Variants in ADGRG4 observed in about 807,000 individuals in gnomAD.
ADGRG4 encodes the protein G protein-coupled receptor 112.
ADGRG4 carries 122 observed loss-of-function variants against 126.2 expected under a neutral mutation model. The observed-to-expected ratio is 0.97, with a 90% CI of 0.83 to 1.12. ADGRG4 has a LOEUF of 1.12. Ranked by LOEUF, ADGRG4 falls within the 50% of genes most tolerant of loss-of-function variation. The pLI, the probability that ADGRG4 is intolerant of heterozygous loss-of-function variation, is 0.00. For synonymous variants in ADGRG4, 943 were observed against 838.7 expected, an observed-to-expected ratio of 1.12 and a Z score of -2.15; for missense variants, 2,481 against 2,251.8, an observed-to-expected ratio of 1.10 and a Z score of -2.06.
chrX:136,390,918 G>C (rs1364886334), intron 16 of ADGRG4, among the ~76,000 whole-genome samples: 1 of 110,565 alleles, frequency 9.0e-6, no homozygotes, highest in East Asian at 2.8e-4. Flanking sequence ...GGGTAATAGG[G>C]CTTAGGAGGA....
chrX:136,377,889 T>C (rs1415073084), intron 15 of ADGRG4, among the ~76,000 whole-genome samples: 21 of 109,486 alleles, frequency 1.9e-4, no homozygotes, highest in Non-Finnish European at 5.7e-5. Context: ...GTCGTCTTGG[T>C]TCCTGAAGTG....
Position 136,345,891 on chromosome X carries a change from T to G in ADGRG4, c.2185T>G (p.Ser729Ala). 1 of 1,209,629 alleles carries G rather than the reference T, an allele frequency of 8.3e-7. No individual in the cohort carries two copies. The change falls in exon 6 of 26, where the codon TCC becomes GCC. Residue 729 changes from serine to alanine, a missense_variant. By Grantham distance (99) the Ser-to-Ala change is moderately conservative (BLOSUM62 1). Transcript: ENST00000394143. ...TACAGCCAGATATACAACAGCTGTATCCAAATTGACATCACCATGGTTTGC... is the reference window on the plus strand; with the variant it reads ...TACAGCCAGATATACAACAGCTGTAGCCAAATTGACATCACCATGGTTTGC... ...ATTARYTTAVSKLTSPWFANF... is the reference protein window; with the variant it reads ...ATTARYTTAVAKLTSPWFANF...
chrX:136,364,143 AT>A (rs962957223), intron 13 of ADGRG4, among the ~76,000 whole-genome samples: 12 of 109,421 alleles, frequency 1.1e-4, no homozygotes, highest in East Asian at 5.7e-4. Flanking sequence ...TATTGTTTTT[AT>A]TTTTTTTTAA....
intron 24 of ADGRG4, among the ~76,000 whole-genome samples, chrX:136,413,423 A>G (rs1569340790): frequency 9.0e-6 from 1 of 110,723 alleles, no homozygotes. Flanking sequence ...TGAACTCATC[A>G]TTTTTTATGG....
chrX:136,323,190 G>A lies in ADGRG4; in HGVS notation c.483G>A (p.Gly161=), dbSNP rs746776907. The part of the protein sequence containing the change: ...NLTPHGTLFL[G]HFLKNESSEV... The stretch of plus-strand genomic sequence containing the variant: ...CACCTCATGGGACTCTGTTCCTAGG[G>A]CACTTTCTCAAGAATGAGAGCAGCG... Residue 161 remains glycine (G), a synonymous_variant, in exon 5 of 26, where the codon GGG becomes GGA. Coordinates refer to ENST00000394143, the MANE Select transcript of ADGRG4 (RefSeq NM_153834.4). 8.3e-7 allele frequency: 1 copy of A among 1,211,529 alleles called. No individual in the cohort carries two copies. Among genetic ancestry groups the A allele is most frequent in the Admixed American group, 2.2e-5 (1 of 46,015 alleles).
At chrX:136,321,352 T>C (rs960087638) in intron 4 of ADGRG4, among the ~76,000 whole-genome samples, 1 of 111,637 alleles carries the variant, frequency 9.0e-6, no homozygotes, top group Non-Finnish European at 1.9e-5. Context: ...GGCAGGCATA[T>C]ACATGTTATT....
chrX:136,405,384 G>C (rs778658252), intron 22 of ADGRG4, among the ~76,000 whole-genome samples: 1 of 111,453 alleles, frequency 9.0e-6, no homozygotes, highest in Admixed American at 9.5e-5. Context: ...TGTATCATTC[G>C]TTTTTCTGCT....
chrX:136,387,446 C>G (rs544212283), intron 15 of ADGRG4, among the ~76,000 whole-genome samples: 1 of 111,940 alleles, frequency 8.9e-6, no homozygotes, highest in South Asian at 3.8e-4. Context: ...TCATTTCCCT[C>G]TCATCTCTAT....
chrX:136,357,632 C>T (rs867280169), intron 9 of ADGRG4, 72 bp from the exon 10 acceptor site: 3 of 716,347 alleles, frequency 4.2e-6, no homozygotes, highest in African/African-American at 4.2e-5. Context: ...TTGTTGTTAA[C>T]AATAAGCCCT....
chrX:136,349,540 T>C lies in ADGRG4; in HGVS notation c.5834T>C (p.Ile1945Thr). 8.3e-7 allele frequency: 1 copy of C among 1,208,445 alleles called. No individual in the cohort carries two copies. Among genetic ancestry groups the C allele is most frequent in the Non-Finnish European group, 1.1e-6 (1 of 892,714 alleles). The stretch of plus-strand genomic sequence containing the variant: ...ATGTCATCAATTCCTATGTCAGGAA[T>C]TCTTCCTAACCATGGGCTTTCTGAG... ...MAMSSIPMSGILPNHGLSENP... is the reference protein window; with the variant it reads ...MAMSSIPMSGTLPNHGLSENP... The change falls in exon 6 of 26, where the codon ATT becomes ACT. Residue 1945 changes from isoleucine to threonine, a missense_variant. By Grantham distance (89) the Ile-to-Thr change is moderately conservative. Transcript: ENST00000394143.
At chrX:136,308,298 T>A (rs1005881822) in intron 3 of ADGRG4, among the ~76,000 whole-genome samples, 1 of 111,697 alleles carries the variant, frequency 9.0e-6, no homozygotes, top group Non-Finnish European at 1.9e-5. Flanking sequence ...TTAGTAGAGA[T>A]GGGGTTTCAC....
rs1191568734 is a variant in ADGRG4 at position 136,359,442 on chromosome X, A to T, written c.7131A>T (p.Ala2377=). ...LTLLVNCEHV[A]VKKLEPGNCK... ...TATTAGTAAACTGTGAACACGTTGCAGTGAAAAAACTAGGTAATTTTTTTG... is the reference window on the plus strand; with the variant it reads ...TATTAGTAAACTGTGAACACGTTGCTGTGAAAAAACTAGGTAATTTTTTTG... The change falls in exon 11 of 26, where the codon GCA becomes GCT. Residue 2377 remains alanine (A), a synonymous_variant. Transcript: ENST00000394143. 8.4e-7 allele frequency: 1 copy of T among 1,195,665 alleles called. No homozygotes were observed. Among genetic ancestry groups the T allele is most frequent in the African/African-American group, 1.8e-5 (1 of 56,673 alleles).
At chrX:136,366,082 A>G (rs1428620825) in intron 13 of ADGRG4, among the ~76,000 whole-genome samples, 1 of 112,015 alleles carries the variant, frequency 8.9e-6, no homozygotes, top group Non-Finnish European at 1.9e-5. Flanking sequence ...CACTCTTGCT[A>G]TTGTACATTC....
intron 4 of ADGRG4, among the ~76,000 whole-genome samples, chrX:136,317,054 T>C (rs953564456): frequency 8.9e-6 from 1 of 111,751 alleles, no homozygotes; most frequent in Non-Finnish European, 1.9e-5. Flanking sequence ...TCTGTGTCCA[T>C]GAACTTGGAC....
In ADGRG4 at chrX:136,405,691, G is replaced by A. The variant is rs754337844; in HGVS notation, c.8655-1G>A. ...ATGATAGTCTTCTTTGTTTCTTACA[G>A]TTGTTGGATTAAAGATGATTCTATC... On this transcript the variant is annotated splice_acceptor_variant, in intron 22 of 25. Coordinates refer to ENST00000394143, the MANE Select transcript of ADGRG4 (RefSeq NM_153834.4). LOFTEE classifies it high-confidence loss of function. 1.1e-5 allele frequency: 13 copies of A among 1,153,509 alleles called. No individual in the cohort carries two copies. Among genetic ancestry groups the A allele is most frequent in the Non-Finnish European group, 1.4e-5 (12 of 860,533 alleles).
At chrX:136,339,146 G>A (rs555952130) in intron 5 of ADGRG4, among the ~76,000 whole-genome samples, 4 of 111,239 alleles carry the variant, frequency 3.6e-5, no homozygotes, top group Middle Eastern at 4.6e-3. Context: ...GCTAGTTTTC[G>A]TAGACTTGGC....
chrX:136,312,073 A>G (rs1477013525), intron 4 of ADGRG4, among the ~76,000 whole-genome samples: 4 of 111,596 alleles, frequency 3.6e-5, no homozygotes, highest in Admixed American at 9.5e-5. Flanking sequence ...AAATTTCTGT[A>G]TGAATTCAAG....
intron 4 of ADGRG4, among the ~76,000 whole-genome samples, chrX:136,311,865 T>C (rs903804897): frequency 1.8e-5 from 2 of 110,951 alleles, no homozygotes; most frequent in South Asian, 3.9e-4. Context: ...AAATTTTATT[T>C]TTTAAATTGT....
intron 18 of ADGRG4, among the ~76,000 whole-genome samples, chrX:136,395,062 T>A (rs1433907407): frequency 1.8e-5 from 2 of 110,739 alleles, no homozygotes; most frequent in East Asian, 5.7e-4. Flanking sequence ...TACGTCCATG[T>A]CCTTAAAAAT....
Sources: allele counts gnomAD v4.1 joint callset (sites outside exome capture counted in the v4.1 genomes callset), GRCh38; gene constraint gnomAD v4.1.1; transcripts MANE v1.5; gene names NCBI Gene and HGNC (gene_info 2026-07-23, HGNC 2026-07-21).